ANO6: variants seen among roughly 807,000 people sequenced by gnomAD.
The protein encoded by ANO6 is anoctamin-6.
A neutral mutation model predicts 117.5 loss-of-function variants in ANO6; 106 were observed. The observed-to-expected ratio is 0.90, with a 90% CI of 0.77 to 1.06. The LOEUF (loss-of-function observed/expected upper bound fraction) is 1.06, where lower values mean the gene tolerates loss of function less well. Ranked by LOEUF, ANO6 falls within the 50% of genes least tolerant of loss-of-function variation. The pLI is 0.00. For missense variants in ANO6, 955 were observed against 1,121.1 expected, an observed-to-expected ratio of 0.85 and a Z score of 2.12; for synonymous variants, 367 against 385.1, an observed-to-expected ratio of 0.95 and a Z score of 0.55.
Position 45,347,075 on chromosome 12 carries a change from A to C in ANO6, c.333A>C (p.Glu111Asp), listed in dbSNP as rs140712928. The C allele has an allele frequency of 1.4e-5, 22 of 1,614,084 alleles. No individual in the cohort carries two copies. Among genetic ancestry groups the C allele is most frequent in the Admixed American group, 5.0e-5 (3 of 59,998 alleles). The change falls in exon 4 of 20, where the codon GAA becomes GAC. Residue 111 changes from glutamate (E) to aspartate (D), a missense_variant. Glu to Asp is a conservative substitution (Grantham distance 45). Transcript: ENST00000320560. The stretch of plus-strand genomic sequence containing the variant: ...TTATCTGTCATGGCCTGCAGTTAGA[A>C]GCAACAAGATCAGTAAGTACTGGTC... ...SNLICHGLQL[E>D]ATRSVLDDKL...
chr12:45,349,888 G>A (rs558494190), intron 6 of ANO6, among the ~76,000 whole-genome samples: 14 of 152,346 alleles, frequency 9.2e-5, no homozygotes, highest in African/African-American at 3.4e-4. Context: ...AATTTGGGAT[G>A]CCAGGGTTCT....
intron 12 of ANO6, among the ~76,000 whole-genome samples, chr12:45,401,108 GGTC>G (rs771514523): frequency 6.6e-6 from 1 of 152,212 alleles, no homozygotes; most frequent in Non-Finnish European, 1.5e-5. Context: ...GCCAGTTTAA[GGTC>G]GTAAGATCTG....
chr12:45,230,371 G>A (rs1057169539), intron 1 of ANO6, among the ~76,000 whole-genome samples: 8 of 150,806 alleles, frequency 5.3e-5, no homozygotes. Flanking sequence ...AAAAATGTAG[G>A]GATAATACAG....
intron 9 of ANO6, among the ~76,000 whole-genome samples, chr12:45,370,487 G>A (rs1941795983): frequency 6.6e-6 from 1 of 152,302 alleles, no homozygotes; most frequent in African/African-American, 2.4e-5. Context: ...GAATTCACAG[G>A]TGGGGTCTTC....
chr12:45,291,298 A>G, intron 1 of ANO6, among the ~76,000 whole-genome samples: 1 of 147,982 alleles, frequency 6.8e-6, no homozygotes, highest in Non-Finnish European at 1.5e-5. Flanking sequence ...GTGAGCCAAG[A>G]TCGCGCCATT....
chr12:45,306,199 C>G (rs546523288), intron 2 of ANO6, among the ~76,000 whole-genome samples: 1 of 152,276 alleles, frequency 6.6e-6, no homozygotes, highest in South Asian at 2.1e-4. Context: ...ATTTTCCAGC[C>G]TTTCTAGAAC....
chr12:45,429,454 T>C lies in ANO6; in HGVS notation c.*143T>C. On this transcript the variant is annotated 3_prime_UTR_variant, in exon 20 of 20. Coordinates refer to ENST00000320560, the MANE Select transcript of ANO6 (RefSeq NM_001025356.3). ...CATTTCCTCATGTATTATTTTTCAG[T>C]TTCAGCTAGCGATGCAGAAACTGGA... 6.7e-7 allele frequency: 1 copy of C among 1,484,438 alleles called. No homozygotes were observed. The allele number at this position is 1,484,438 out of a possible 1,614,324, so 92.0% of individuals were successfully genotyped here.
intron 12 of ANO6, among the ~76,000 whole-genome samples, chr12:45,395,006 A>C (rs1300819972): frequency 6.6e-6 from 1 of 152,182 alleles, no homozygotes; most frequent in Non-Finnish European, 1.5e-5. Flanking sequence ...GAACTGAAAA[A>C]GATAAGAGAC....
intron 1 of ANO6, among the ~76,000 whole-genome samples, chr12:45,238,151 C>CTTTTT (rs71437709): frequency 3.1e-5 from 4 of 130,874 alleles, no homozygotes; most frequent in Non-Finnish European, 4.9e-5. Flanking sequence ...TTTTCTTTTT[C>CTTTTT]TTTTTTTTTT....
chr12:45,358,056 G>A (rs1941459049), intron 8 of ANO6, among the ~76,000 whole-genome samples: 1 of 152,180 alleles, frequency 6.6e-6, no homozygotes, highest in African/African-American at 2.4e-5. Context: ...TCACTATTCT[G>A]AATGGTATTA....
In ANO6 at chr12:45,238,801, T is replaced by G. The variant is rs1198704578; in HGVS notation, c.70+22410T>G. Among the ~76,000 whole-genome samples the G allele has an allele frequency of 2.7e-5, 4 of 150,030 alleles. No homozygotes were observed. In the South Asian group the frequency reaches 8.6e-4, roughly 32 times the overall value. On this transcript the variant is annotated intron_variant, in intron 1 of 19. Transcript: ENST00000320560. ...TTTTCTGCATCTATTGAGATAATCA[T>G]GTGGTTTTTGTCATTGGTTCTGTTT...
At position 45,390,431 on chromosome 12, in the gene ANO6, G is replaced by A. The variant is rs747667835; in HGVS notation, c.1319G>A (p.Arg440His). The A allele has an allele frequency of 1.5e-5, 25 of 1,613,548 alleles. No individual in the cohort carries two copies. Among genetic ancestry groups the A allele is most frequent in the Admixed American group, 3.3e-5 (2 of 59,984 alleles). Residue 440 changes from arginine to histidine, a missense_variant, in exon 12 of 20, where the codon CGC becomes CAC. Arg to His is a conservative substitution (Grantham distance 29). Coordinates refer to ENST00000320560, the MANE Select transcript of ANO6 (RefSeq NM_001025356.3). Reference sequence around the variant, plus strand: ...TGTTTTTGTAATTAGGAAGAAGAACGCATTCCCTTTACTGCCTGGGGAAAA... The same window carrying A: ...TGTTTTTGTAATTAGGAAGAAGAACACATTCCCTTTACTGCCTGGGGAAAA... ...VINEITQEEE[R>H]IPFTAWGKCI...
At chr12:45,317,109 A>ATGTGTG (rs1219061656) in intron 2 of ANO6, among the ~76,000 whole-genome samples, 1 of 39,942 alleles carries the variant, frequency 2.5e-5, no homozygotes, top group African/African-American at 5.2e-5. Context: ...GATTCTTTTT[A>ATGTGTG]TATGTATATA....
At chr12:45,370,467 G>A (rs1941795341) in intron 9 of ANO6, among the ~76,000 whole-genome samples, 1 of 152,204 alleles carries the variant, frequency 6.6e-6, no homozygotes, top group Admixed American at 6.5e-5. Context: ...TCTCAAAAGA[G>A]TAGAGCTAAG....
At chr12:45,386,282 T>G (rs1261092858) in intron 10 of ANO6, among the ~76,000 whole-genome samples, 2 of 152,180 alleles carry the variant, frequency 1.3e-5, no homozygotes, top group Non-Finnish European at 2.9e-5. Flanking sequence ...AAAATCCATC[T>G]CAATCCAGAT....
chr12:45,371,282 G>A (rs1184953866), intron 9 of ANO6, among the ~76,000 whole-genome samples: 1 of 152,220 alleles, frequency 6.6e-6, no homozygotes, highest in East Asian at 1.9e-4. Context: ...CGAGGCTAGG[G>A]GAGGGGCGCC....
intron 12 of ANO6, among the ~76,000 whole-genome samples, chr12:45,400,822 T>C (rs1353359365): frequency 1.3e-5 from 2 of 152,206 alleles, no homozygotes; most frequent in African/African-American, 2.4e-5. Flanking sequence ...TCAGTTTCCC[T>C]TCTCTGAAAC....
chr12:45,401,633 T>A (rs60457106), intron 12 of ANO6, among the ~76,000 whole-genome samples, 162 bp from the exon 13 acceptor site: 7,375 of 152,268 alleles, frequency 0.048, 328 homozygotes, highest in African/African-American at 0.11. Context: ...CCTTTTTCTT[T>A]TTAAAAAATT....
chr12:45,406,529 C>T (rs1942939181), intron 15 of ANO6, among the ~76,000 whole-genome samples: 5 of 151,844 alleles, frequency 3.3e-5, no homozygotes, highest in Admixed American at 2.0e-4. Flanking sequence ...CCTTTATATA[C>T]ATTTATACAT....
Sources: allele counts gnomAD v4.1 joint callset (sites outside exome capture counted in the v4.1 genomes callset), GRCh38; gene constraint gnomAD v4.1.1; transcripts MANE v1.5; gene names NCBI Gene and HGNC (gene_info 2026-07-23, HGNC 2026-07-21).